Variants in SDK1 observed in about 807,000 individuals in gnomAD.
SDK1 encodes the protein sidekick cell adhesion molecule 1.
SDK1 carries 157 observed loss-of-function variants against 245.5 expected under a neutral mutation model. The observed-to-expected ratio is 0.64, with a 90% CI of 0.56 to 0.73. SDK1 has a LOEUF of 0.73. Among genes scored for constraint, SDK1 ranks in the 30% least tolerant of loss-of-function variants. SDK1 has a pLI of 0.00. For synonymous variants in SDK1, 1,647 were observed against 1,278.5 expected (o/e 1.29, Z -6.15); for missense variants, 3,583 against 3,002.3 (o/e 1.19, Z -4.52).
chr7:3,693,127 C>T (rs943857088), intron 4 of SDK1, among the ~76,000 whole-genome samples: 10 of 151,684 alleles, frequency 6.6e-5, no homozygotes, highest in South Asian at 2.1e-4. Context: ...TATTTCTTAA[C>T]GATATTAATA....
chr7:4,009,082 G>A (rs1785729134), intron 14 of SDK1, among the ~76,000 whole-genome samples: 1 of 152,180 alleles, frequency 6.6e-6, no homozygotes, highest in Non-Finnish European at 1.5e-5. Context: ...GTGTGTATGT[G>A]TTTTCTTTTC....
Position 4,118,009 on chromosome 7 carries a change from A to C in SDK1, c.3823+3735A>C, listed in dbSNP as rs572924981. Among the ~76,000 whole-genome samples the C allele has an allele frequency of 4.6e-5, 7 of 152,290 alleles. No homozygotes were observed. The East Asian group carries it at 1.3e-3, about 29-fold the overall frequency. On this transcript the variant is annotated intron_variant, in intron 25 of 44. Transcript: ENST00000404826. ...TTTGCATTATATGGATGGCCCAGGAACTCCCAGAACAGAAATTAATGTAAC... is the reference window on the plus strand; with the variant it reads ...TTTGCATTATATGGATGGCCCAGGACCTCCCAGAACAGAAATTAATGTAAC...
chr7:4,161,978 C>T, intron 32 of SDK1, 122 bp downstream of exon 32: 1 of 782,422 alleles, frequency 1.3e-6, no homozygotes, highest in Non-Finnish European at 2.2e-6. Flanking sequence ...AGAGTAGAAC[C>T]AAGGAGACAC....
chr7:3,919,011 A>G (rs1186399436), intron 5 of SDK1, among the ~76,000 whole-genome samples: 1 of 152,214 alleles, frequency 6.6e-6, no homozygotes, highest in Non-Finnish European at 1.5e-5. Context: ...TTAACTCATA[A>G]CTATTACTAT....
chr7:3,896,043 A>G (rs1445599982), intron 5 of SDK1, among the ~76,000 whole-genome samples: 1 of 152,076 alleles, frequency 6.6e-6, no homozygotes, highest in Non-Finnish European at 1.5e-5. Context: ...AAGAATTTGT[A>G]TTTTGCTGTT....
intron 22 of SDK1, among the ~76,000 whole-genome samples, chr7:4,101,435 C>T (rs1290374169): frequency 6.6e-6 from 1 of 152,206 alleles, no homozygotes; most frequent in Non-Finnish European, 1.5e-5. Flanking sequence ...GCGTGAGCCA[C>T]CGCACCCGGC....
At chr7:4,251,834 C>G (rs1272941759) in intron 44 of SDK1, among the ~76,000 whole-genome samples, 1 of 152,174 alleles carries the variant, frequency 6.6e-6, no homozygotes, top group Non-Finnish European at 1.5e-5. Context: ...ATTGTTTCTA[C>G]TTTTTGGTTA....
chr7:3,465,774 C>A (rs2128596465), intron 1 of SDK1, among the ~76,000 whole-genome samples: 1 of 152,248 alleles, frequency 6.6e-6, no homozygotes, highest in Non-Finnish European at 1.5e-5. Context: ...TTGGTGTTCT[C>A]TGAATGGCTT....
intron 13 of SDK1, among the ~76,000 whole-genome samples, chr7:3,982,173 T>C (rs2128137222): frequency 6.6e-6 from 1 of 152,334 alleles, no homozygotes; most frequent in East Asian, 1.9e-4. Context: ...GCTCTGTAAA[T>C]GGAACAGCAA....
intron 22 of SDK1, among the ~76,000 whole-genome samples, chr7:4,084,452 C>G (rs529617472): frequency 1.4e-4 from 22 of 152,274 alleles, no homozygotes; most frequent in African/African-American, 3.4e-4. Flanking sequence ...CTTCCTGCCT[C>G]AAGCTGAGAT....
At chr7:3,790,201 G>A (rs1356060081) in intron 4 of SDK1, among the ~76,000 whole-genome samples, 1 of 152,190 alleles carries the variant, frequency 6.6e-6, no homozygotes, top group African/African-American at 2.4e-5. Context: ...TTATGTCACA[G>A]TTTAGAAGCC....
At chr7:3,754,050 C>G (rs1779849636) in intron 4 of SDK1, among the ~76,000 whole-genome samples, 1 of 152,152 alleles carries the variant, frequency 6.6e-6, no homozygotes, top group South Asian at 2.1e-4. Flanking sequence ...AAGCAAATGA[C>G]TAGGCCATAT....
chr7:3,432,111 GTA>G (rs1562482899), intron 1 of SDK1, among the ~76,000 whole-genome samples: 3 of 88,070 alleles, frequency 3.4e-5, no homozygotes, highest in African/African-American at 1.1e-4. Flanking sequence ...GCAGGCTGCA[GTA>G]AAAAAAAAAA....
At chr7:3,333,833 G>A (rs981882787) in intron 1 of SDK1, among the ~76,000 whole-genome samples, 5 of 152,154 alleles carry the variant, frequency 3.3e-5, no homozygotes, top group African/African-American at 1.2e-4. Flanking sequence ...ACTTAGAAAC[G>A]CTCCTAGCAG....
chr7:3,494,106 A>G (rs1781949213), intron 1 of SDK1, among the ~76,000 whole-genome samples: 2 of 152,132 alleles, frequency 1.3e-5, no homozygotes, highest in Non-Finnish European at 2.9e-5. Flanking sequence ...TGTTCCAAGA[A>G]CCTAGAGGAA....
At chr7:3,923,276 C>A (rs751973814) in intron 5 of SDK1, among the ~76,000 whole-genome samples, 4 of 148,712 alleles carry the variant, frequency 2.7e-5, no homozygotes, top group Non-Finnish European at 4.5e-5. Flanking sequence ...TTATTATGGA[C>A]TTTTTTTTTT....
intron 1 of SDK1, among the ~76,000 whole-genome samples, chr7:3,454,934 T>C (rs1780627158): frequency 6.6e-6 from 1 of 152,218 alleles, no homozygotes; most frequent in African/African-American, 2.4e-5. Context: ...ACTGTACCAT[T>C]TTACTATTTC....
intron 4 of SDK1, among the ~76,000 whole-genome samples, chr7:3,655,767 G>A (rs1041066745): frequency 3.3e-5 from 5 of 151,926 alleles, no homozygotes; most frequent in African/African-American, 1.2e-4. Flanking sequence ...GGGAGATGGT[G>A]TGAGACTAAG....
chr7:3,589,264 C>T (rs555592983), intron 1 of SDK1, among the ~76,000 whole-genome samples: 1 of 152,208 alleles, frequency 6.6e-6, no homozygotes, highest in Non-Finnish European at 1.5e-5. Flanking sequence ...TGGTGTTGGC[C>T]TTTTGACGTC....
Sources: gnomAD v4.1 joint callset for allele counts (sites outside exome capture counted in the v4.1 genomes callset) on GRCh38, gnomAD v4.1.1 for gene constraint, MANE v1.5 for transcripts, NCBI Gene and HGNC (gene_info 2026-07-23, HGNC 2026-07-21) for gene names.